GRM7: variants seen among roughly 807,000 people sequenced by gnomAD.
The protein encoded by GRM7 is metabotropic glutamate receptor 7.
GRM7 carries 35 observed loss-of-function variants against 84.5 expected under a neutral mutation model. The observed-to-expected ratio is 0.41, with a 90% CI of 0.32 to 0.55. GRM7 has a LOEUF of 0.55. Ranked by LOEUF, GRM7 falls within the 20% of genes least tolerant of loss-of-function variation. The pLI is 0.19. For missense variants in GRM7, 1,003 were observed against 1,194.6 expected (o/e 0.84, Z 2.36); for synonymous variants, 487 against 455.1 (o/e 1.07, Z -0.89).
At chr3:7,269,060 A>G (rs919722873) in intron 2 of GRM7, among the ~76,000 whole-genome samples, 2 of 152,170 alleles carry the variant, frequency 1.3e-5, no homozygotes, top group African/African-American at 4.8e-5. Flanking sequence ...TTACAGAGTT[A>G]TAAAATAGCT....
chr3:7,703,148 G>C (rs1446000174), intron 9 of GRM7, among the ~76,000 whole-genome samples: 3 of 152,066 alleles, frequency 2.0e-5, no homozygotes, highest in Non-Finnish European at 4.4e-5. Flanking sequence ...AGCTAGAACT[G>C]AGAAGCATTG....
chr3:7,532,709 T>C (rs1187927961), intron 7 of GRM7, among the ~76,000 whole-genome samples: 2 of 151,026 alleles, frequency 1.3e-5, no homozygotes, highest in East Asian at 1.9e-4. Context: ...TTAATTGTGA[T>C]GTTAGGGTGT....
intron 7 of GRM7, among the ~76,000 whole-genome samples, chr3:7,554,356 A>G (rs185238388): frequency 6.6e-6 from 1 of 152,162 alleles, no homozygotes; most frequent in Non-Finnish European, 1.5e-5. Context: ...CATGTAACAA[A>G]TATCGCTACA....
At chr3:7,045,737 A>G (rs1467695533) in intron 1 of GRM7, among the ~76,000 whole-genome samples, 1 of 152,150 alleles carries the variant, frequency 6.6e-6, no homozygotes, top group African/African-American at 2.4e-5. Context: ...AGGTTGAATA[A>G]TATTCCATTA....
intron 1 of GRM7, among the ~76,000 whole-genome samples, chr3:6,893,333 T>C (rs796445663): frequency 2.6e-5 from 4 of 152,202 alleles, no homozygotes; most frequent in African/African-American, 9.6e-5. Flanking sequence ...TAATAGATAA[T>C]ATTAATATAA....
intron 4 of GRM7, among the ~76,000 whole-genome samples, chr3:7,405,051 C>T (rs561200641): frequency 6.6e-6 from 1 of 152,090 alleles, no homozygotes; most frequent in Non-Finnish European, 1.5e-5. Flanking sequence ...CATTTATGTT[C>T]AGTAGCTAAA....
chr3:7,259,103 A>G (rs1315990592), intron 2 of GRM7, among the ~76,000 whole-genome samples: 1 of 152,128 alleles, frequency 6.6e-6, no homozygotes, highest in African/African-American at 2.4e-5. Context: ...CCTTTCATAG[A>G]CTCATTTGGA....
rs114908342 is a variant in GRM7 at position 7,143,772 on chromosome 3, G to A, written c.520-2680G>A. ...GTACAGAGGGATTTTGGCAGGAAAG[G>A]CATCTGCGCAACAGCATGAAGCTTT... On this transcript the variant is annotated intron_variant, in intron 1 of 9. Coordinates refer to ENST00000357716, the MANE Select transcript of GRM7 (RefSeq NM_000844.4). Among the ~76,000 whole-genome samples, 1,202 of 152,246 alleles carry A rather than the reference G, an allele frequency of 7.9e-3. 11 individuals carry two copies. The highest frequency in any genetic ancestry group is 0.027 in the African/African-American group (1,106 of 41,548).
At chr3:7,590,782 C>T (rs1012668456) in intron 8 of GRM7, among the ~76,000 whole-genome samples, 2 of 152,144 alleles carry the variant, frequency 1.3e-5, no homozygotes, top group Non-Finnish European at 2.9e-5. Context: ...CTTAACTCTC[C>T]TCTACCCCAG....
chr3:7,597,706 G>A (rs1409625848), intron 8 of GRM7, among the ~76,000 whole-genome samples: 1 of 152,146 alleles, frequency 6.6e-6, no homozygotes, highest in East Asian at 1.9e-4. Flanking sequence ...TTGTTTCCAT[G>A]AGGATAAGAT....
intron 2 of GRM7, among the ~76,000 whole-genome samples, chr3:7,159,988 G>A (rs571053382): frequency 1.3e-5 from 2 of 152,160 alleles, no homozygotes; most frequent in Non-Finnish European, 2.9e-5. Flanking sequence ...AGCATGAAAA[G>A]ATTAAGAAAT....
chr3:7,088,136 T>C lies in GRM7; in HGVS notation c.520-58316T>C, dbSNP rs949067761. On this transcript the variant is annotated intron_variant, in intron 1 of 9. Transcript: ENST00000357716. The stretch of plus-strand genomic sequence containing the variant: ...TAGCAATGAACCTGCGGATGATCCA[T>C]AGGAGTTGTTAACTAATGCCTATTC... 4.0e-5 allele frequency among the ~76,000 whole-genome samples: 6 copies of C among 149,232 alleles called. No individual in the cohort carries two copies. The East Asian group carries it at 9.7e-4, about 24-fold the overall frequency.
chr3:6,906,903 T>G (rs1375264727), intron 1 of GRM7, among the ~76,000 whole-genome samples: 1 of 152,180 alleles, frequency 6.6e-6, no homozygotes, highest in Admixed American at 6.5e-5. Flanking sequence ...CTGCACATAT[T>G]TAGCATGTGC....
chr3:7,252,754 T>C (rs1237270064), intron 2 of GRM7, among the ~76,000 whole-genome samples: 2 of 150,656 alleles, frequency 1.3e-5, no homozygotes, highest in Non-Finnish European at 3.0e-5. Flanking sequence ...AGTGGTGTGA[T>C]CTCGGCTCAC....
intron 2 of GRM7, among the ~76,000 whole-genome samples, chr3:7,271,418 G>A (rs1378303781): frequency 1.3e-5 from 2 of 151,872 alleles, no homozygotes; most frequent in Non-Finnish European, 1.5e-5. Context: ...AATTAGCCGG[G>A]CGTGGTGGCG....
chr3:7,263,959 C>A (rs1450590767), intron 2 of GRM7, among the ~76,000 whole-genome samples: 1 of 152,070 alleles, frequency 6.6e-6, no homozygotes, highest in Non-Finnish European at 1.5e-5. Flanking sequence ...TGCATGCAGG[C>A]AAAGTGGTAT....
chr3:7,613,286 G>A (rs1475497340), intron 8 of GRM7, among the ~76,000 whole-genome samples: 1 of 152,132 alleles, frequency 6.6e-6, no homozygotes, highest in Non-Finnish European at 1.5e-5. Context: ...CTCCATAGCT[G>A]TTCTCAAACT....
chr3:7,408,224 C>T (rs901636806), intron 4 of GRM7, among the ~76,000 whole-genome samples: 46 of 152,012 alleles, frequency 3.0e-4, no homozygotes, highest in African/African-American at 9.9e-4. Flanking sequence ...TAAGTATATT[C>T]GGATTACATA....
intron 2 of GRM7, among the ~76,000 whole-genome samples, chr3:7,172,296 A>C (rs964958519): frequency 6.6e-6 from 1 of 152,168 alleles, no homozygotes; most frequent in Non-Finnish European, 1.5e-5. Flanking sequence ...TGTTAAATAA[A>C]CCACATTCCT....
Sources: allele counts gnomAD v4.1 joint callset (sites outside exome capture counted in the v4.1 genomes callset), GRCh38; gene constraint gnomAD v4.1.1; transcripts MANE v1.5; gene names NCBI Gene and HGNC (gene_info 2026-07-23, HGNC 2026-07-21).